The following KIF13A variants were observed in gnomAD, a reference collection of about 807,000 sequenced individuals.
KIF13A encodes the protein kinesin family member 13A.
Under a neutral mutation model 212.2 loss-of-function variants are expected in KIF13A, and 79 were observed. The ratio of observed to expected loss-of-function variants is 0.37; its 90% CI spans 0.31 to 0.45. The LOEUF (loss-of-function observed/expected upper bound fraction) is 0.45. Among genes scored for constraint, KIF13A ranks in the 20% least tolerant of loss-of-function variants. KIF13A has a pLI of 1.00. For missense variants in KIF13A, 1,901 were observed against 2,209.0 expected, an observed-to-expected ratio of 0.86 and a Z score of 2.79; for synonymous variants, 789 against 808.6, an observed-to-expected ratio of 0.98 and a Z score of 0.41.
In KIF13A at chr6:17,930,389, T is replaced by C. The variant is rs78166394; in HGVS notation, c.147-32209A>G. ...CACTGAACAAGAAGTAACAAATTCC[T>C]CAGGTGATAAATCATTTTTTAAAAT... On this transcript the variant is annotated intron_variant, in intron 2 of 38. Transcript: ENST00000259711. Among the ~76,000 whole-genome samples the C allele has an allele frequency of 1.2e-3, 176 of 152,290 alleles. 1 individual carries two copies. The East Asian group carries it at 0.032, about 28-fold the overall frequency.
intron 13 of KIF13A, among the ~76,000 whole-genome samples, chr6:17,830,648 G>A (rs1009330931): frequency 6.6e-6 from 1 of 152,212 alleles, no homozygotes; most frequent in African/African-American, 2.4e-5. Flanking sequence ...GATAGACCTA[G>A]AAGAACATTG....
chr6:17,983,172 CAAA>C (rs530156481), intron 2 of KIF13A, among the ~76,000 whole-genome samples: 3 of 76,650 alleles, frequency 3.9e-5, no homozygotes, highest in Admixed American at 1.6e-4. Flanking sequence ...GACTCCATCT[CAAA>C]AAAAAAAAAA....
At chr6:17,820,752 T>C (rs1037983048) in intron 16 of KIF13A, among the ~76,000 whole-genome samples, 2 of 152,202 alleles carry the variant, frequency 1.3e-5, no homozygotes, top group Non-Finnish European at 1.5e-5. Context: ...CACTTTCTCG[T>C]CCTCATTAGT....
rs1437074009 is a variant in KIF13A at position 17,899,494 on chromosome 6, G to C, written c.147-1314C>G. ...CTCCTTACAGAGCTCTGAGGGACTC[G>C]AACAAAACTGAGAGCTCAGTAGCAG... On this transcript the variant is annotated intron_variant, in intron 2 of 38. Coordinates refer to ENST00000259711, the MANE Select transcript of KIF13A (RefSeq NM_022113.6). The surrounding 1 kb of genome is among the most constrained non-coding windows in gnomAD (Gnocchi z 5.2). Among the ~76,000 whole-genome samples the C allele has an allele frequency of 2.0e-5, 3 of 152,096 alleles. No homozygotes were observed. The highest frequency in any genetic ancestry group is 2.0e-4 in the Admixed American group (3 of 15,278).
At chr6:17,807,279 A>G (rs544230340) in intron 18 of KIF13A, among the ~76,000 whole-genome samples, 43 of 152,178 alleles carry the variant, frequency 2.8e-4, no homozygotes, top group Non-Finnish European at 5.4e-4. Context: ...ATAAACAGAC[A>G]TGCAAGTAGG....
At position 17,832,570 on chromosome 6, in the gene KIF13A, G is replaced by A. The variant is rs986626349; in HGVS notation, c.1267-1335C>T. The stretch of plus-strand genomic sequence containing the variant: ...GGAGAATAGCTTGAACTGGGGAGGC[G>A]GAGGTTGCAGTGAGCCAAGATTGCG... On this transcript the variant is annotated intron_variant, in intron 12 of 38. Transcript: ENST00000259711. Among the ~76,000 whole-genome samples the A allele has an allele frequency of 2.6e-5, 4 of 151,956 alleles. No individual in the cohort carries two copies. The East Asian group carries it at 5.8e-4, about 22-fold the overall frequency.
chr6:17,864,369 A>G (rs560799779), intron 4 of KIF13A, among the ~76,000 whole-genome samples: 2 of 152,340 alleles, frequency 1.3e-5, no homozygotes, highest in East Asian at 3.9e-4. Context: ...CTTAAAACAC[A>G]GGCATGCCCA....
chr6:17,893,529 G>T (rs1772256346), intron 3 of KIF13A, among the ~76,000 whole-genome samples: 1 of 152,056 alleles, frequency 6.6e-6, no homozygotes, highest in African/African-American at 2.4e-5. Flanking sequence ...GTACCTTATT[G>T]TAAATATACT....
chr6:17,977,596 G>C (rs1780687093), intron 2 of KIF13A, among the ~76,000 whole-genome samples: 1 of 152,196 alleles, frequency 6.6e-6, no homozygotes, highest in Non-Finnish European at 1.5e-5. Context: ...ATGTAAGTGG[G>C]AGAAAAGCAA....
At chr6:17,879,112 G>T (rs1770831068) in intron 3 of KIF13A, among the ~76,000 whole-genome samples, 1 of 152,120 alleles carries the variant, frequency 6.6e-6, no homozygotes, top group Non-Finnish European at 1.5e-5. Context: ...TCTTTTCTCA[G>T]CTGGAAGTGA....
At chr6:17,791,344 T>C (rs1761533204) in intron 25 of KIF13A, among the ~76,000 whole-genome samples, 1 of 152,088 alleles carries the variant, frequency 6.6e-6, no homozygotes, top group African/African-American at 2.4e-5. Flanking sequence ...TCTGCATTGG[T>C]TTCAGCTACT....
Position 17,899,424 on chromosome 6 carries a change from T to C in KIF13A, c.147-1244A>G, listed in dbSNP as rs1245356527. Among the ~76,000 whole-genome samples the C allele has an allele frequency of 6.6e-6, 1 of 152,182 alleles. No individual in the cohort carries two copies. Among genetic ancestry groups the C allele is most frequent in the African/African-American group, 2.4e-5 (1 of 41,436 alleles). On this transcript the variant is annotated intron_variant, in intron 2 of 38. Coordinates refer to ENST00000259711, the MANE Select transcript of KIF13A (RefSeq NM_022113.6). This position sits in a 1 kb window ranked among gnomAD's most constrained non-coding sequence, Gnocchi z 5.2. Reference sequence around the variant, plus strand: ...CCAGGGCAGAGGGCACGGAAAGGTATAGGCAAAACAGCAGGATGCTTTTTC... The same window carrying C: ...CCAGGGCAGAGGGCACGGAAAGGTACAGGCAAAACAGCAGGATGCTTTTTC...
At chr6:17,870,570 G>C (rs960426834) in intron 4 of KIF13A, among the ~76,000 whole-genome samples, 2 of 151,994 alleles carry the variant, frequency 1.3e-5, no homozygotes, top group African/African-American at 4.8e-5. Flanking sequence ...AAAAGAAAGA[G>C]AAAAACAATC....
At chr6:17,882,752 G>A (rs953755939) in intron 3 of KIF13A, among the ~76,000 whole-genome samples, 3 of 151,996 alleles carry the variant, frequency 2.0e-5, no homozygotes, top group Non-Finnish European at 4.4e-5. Flanking sequence ...AGTAGAGATG[G>A]AGTTTCACCA....
intron 2 of KIF13A, among the ~76,000 whole-genome samples, chr6:17,940,155 T>C (rs1776832417): frequency 6.6e-6 from 1 of 151,668 alleles, no homozygotes; most frequent in African/African-American, 2.4e-5. Flanking sequence ...CCTTCCTTCC[T>C]TCTTTCCTTT....
At chr6:17,803,884 G>A (rs1206872944) in intron 20 of KIF13A, among the ~76,000 whole-genome samples, 1 of 152,210 alleles carries the variant, frequency 6.6e-6, no homozygotes, top group Non-Finnish European at 1.5e-5. Context: ...CAGGCACCGT[G>A]GCTCACGCCT....
chr6:17,916,016 G>C (rs1458608534), intron 2 of KIF13A, among the ~76,000 whole-genome samples: 1 of 151,980 alleles, frequency 6.6e-6, no homozygotes, highest in Non-Finnish European at 1.5e-5. Context: ...TTACAAATGA[G>C]ATTTTAGGAG....
At chr6:17,781,623 G>GTTTTTTT (rs776138365) in intron 29 of KIF13A, among the ~76,000 whole-genome samples, 2 of 107,090 alleles carry the variant, frequency 1.9e-5, no homozygotes, top group Non-Finnish European at 3.7e-5. Context: ...CTGTACTTGG[G>GTTTTTTT]TTTTTTTTTT....
chr6:17,821,865 G>T (rs1764483832), intron 16 of KIF13A: 1 of 1,535,162 alleles, frequency 6.5e-7, no homozygotes, highest in Non-Finnish European at 8.7e-7. Flanking sequence ...ACCACCAAGG[G>T]GATGACCACC....
Sources: gnomAD v4.1 joint callset for allele counts (sites outside exome capture counted in the v4.1 genomes callset) on GRCh38, gnomAD v4.1.1 for gene constraint, Gnocchi (gnomAD v3.1) non-coding constraint, MANE v1.5 for transcripts, NCBI Gene and HGNC (gene_info 2026-07-23, HGNC 2026-07-21) for gene names.